The following CATSPERB variants were observed in gnomAD, a reference collection of about 807,000 sequenced individuals.
CATSPERB encodes cation channel sperm-associated auxiliary subunit beta.
A neutral mutation model predicts 128.3 loss-of-function variants in CATSPERB; 93 were observed. The observed-to-expected ratio is 0.72, with a 90% CI of 0.61 to 0.86. The LOEUF (loss-of-function observed/expected upper bound fraction) is 0.86, where lower values mean the gene tolerates loss of function less well. CATSPERB is among the 40% of genes least tolerant of loss of function. The pLI is 0.00. For missense variants in CATSPERB, 1,153 were observed against 1,329.5 expected (o/e 0.87, Z 2.06); for synonymous variants, 381 against 448.8 (o/e 0.85, Z 1.91).
chr14:91,621,433 T>C (rs1894039789), intron 19 of CATSPERB, among the ~76,000 whole-genome samples, 175 bp downstream of exon 19: 1 of 152,106 alleles, frequency 6.6e-6, no homozygotes, highest in African/African-American at 2.4e-5. Flanking sequence ...AATAGTTTAA[T>C]ATAGAGCCCA....
intron 24 of CATSPERB, 108 bp from the exon 25 acceptor site, chr14:91,588,186 T>C: frequency 1.5e-6 from 1 of 673,022 alleles, no homozygotes. Context: ...TTACTATTAC[T>C]ATTTCATTTG....
chr14:91,647,170 T>G (rs1266008397), intron 15 of CATSPERB, among the ~76,000 whole-genome samples: 2 of 152,176 alleles, frequency 1.3e-5, no homozygotes, highest in African/African-American at 2.4e-5. Flanking sequence ...CTCAGACAGG[T>G]TTTTTTCTCT....
In CATSPERB at chr14:91,629,681, T is replaced by A. The variant is rs1241663997; in HGVS notation, c.1743-4674A>T. Among the ~76,000 whole-genome samples the A allele has an allele frequency of 5.3e-5, 8 of 152,292 alleles. 1 individual carries two copies. Among genetic ancestry groups the A allele is most frequent in the Admixed American group, 4.6e-4 (7 of 15,296 alleles). On this transcript the variant is annotated intron_variant, in intron 17 of 26. Transcript: ENST00000256343. ...TTTTGCTGTAAAACTGTAATTAATT[T>A]AAAAAGTTTATTAATTAATTTTAAA...
intron 13 of CATSPERB, among the ~76,000 whole-genome samples, chr14:91,670,691 GA>G (rs1895073694): frequency 6.7e-6 from 1 of 149,522 alleles, no homozygotes; most frequent in African/African-American, 2.5e-5. Flanking sequence ...AAAAAAAAAA[GA>G]GATATGAAAC....
intron 17 of CATSPERB, among the ~76,000 whole-genome samples, chr14:91,632,995 G>C (rs549357337): frequency 6.6e-6 from 1 of 152,232 alleles, no homozygotes; most frequent in East Asian, 1.9e-4. Flanking sequence ...AACAGACCTT[G>C]TTAAACTAAC....
chr14:91,702,260 A>G (rs1895662901), intron 7 of CATSPERB, among the ~76,000 whole-genome samples: 1 of 151,996 alleles, frequency 6.6e-6, no homozygotes, highest in Non-Finnish European at 1.5e-5. Context: ...ACAGAACAAC[A>G]TAAGAAAAGG....
At chr14:91,625,845 G>A (rs1000213758) in intron 17 of CATSPERB, among the ~76,000 whole-genome samples, 10 of 152,148 alleles carry the variant, frequency 6.6e-5, no homozygotes, top group African/African-American at 2.2e-4. Context: ...TTAACTCTAG[G>A]CCGGGTGCAG....
Position 91,669,805 on chromosome 14 carries a change from T to A in CATSPERB, c.1287+9A>T, listed in dbSNP as rs1329030749. The A allele has an allele frequency of 6.2e-7, 1 of 1,602,566 alleles. No individual in the cohort carries two copies. The highest frequency in any genetic ancestry group is 1.7e-5 in the Admixed American group (1 of 57,426). On this transcript the variant is annotated intron_variant, in intron 14 of 26. Coordinates refer to ENST00000256343, the MANE Select transcript of CATSPERB (RefSeq NM_024764.4). ...CTCTAACACAGACTGAAGTTCCATG[T>A]GTACGCACCTGATTGCCATAAGCAT...
chr14:91,587,139 A>G, intron 26 of CATSPERB, 63 bp downstream of exon 26: 2 of 1,335,368 alleles, frequency 1.5e-6, no homozygotes, highest in South Asian at 2.7e-5. Flanking sequence ...TGTCTCTTGA[A>G]TTGGTTTTGT....
intron 10 of CATSPERB, among the ~76,000 whole-genome samples, chr14:91,690,165 G>A (rs1460900493): frequency 6.6e-6 from 1 of 151,950 alleles, no homozygotes; most frequent in African/African-American, 2.4e-5. Context: ...GCTAATTTTT[G>A]TATTTTCTGT....
rs148538525 is a variant in CATSPERB, at chr14:91,719,612, C to G, written c.310-134G>C. 1.8e-3 allele frequency: 1,095 copies of G among 601,002 alleles called. 8 individuals are homozygous for G. The highest frequency in any genetic ancestry group is 0.018 in the African/African-American group (933 of 52,910). 37.2% of individuals were successfully genotyped at this position (601,002 alleles called of 1,614,324 possible). The stretch of plus-strand genomic sequence containing the variant: ...ATACCTTTTACCTAGAAATTTCACT[C>G]TTAGGAATTTTTCCTACATTATGCT... On this transcript the variant is annotated intron_variant, in intron 4 of 26. Coordinates refer to ENST00000256343, the MANE Select transcript of CATSPERB (RefSeq NM_024764.4).
chr14:91,728,447 A>T (rs1896156170), intron 2 of CATSPERB, among the ~76,000 whole-genome samples: 1 of 152,156 alleles, frequency 6.6e-6, no homozygotes, highest in South Asian at 2.1e-4. Flanking sequence ...TCTCATTGCA[A>T]CTAATTGATT....
At chr14:91,731,787 C>T (rs1482793678) in intron 1 of CATSPERB, 143 bp downstream of exon 1, 1 of 152,112 alleles carries the variant, frequency 6.6e-6, no homozygotes, top group Non-Finnish European at 1.5e-5. Flanking sequence ...ACTAAATAAA[C>T]ATTGGGAATT....
chr14:91,722,207 A>G (rs1482708888), intron 4 of CATSPERB, among the ~76,000 whole-genome samples: 1 of 152,256 alleles, frequency 6.6e-6, no homozygotes, highest in Admixed American at 6.5e-5. Flanking sequence ...AAGAAAAATG[A>G]AAATATATTT....
intron 11 of CATSPERB, among the ~76,000 whole-genome samples, chr14:91,678,835 T>C (rs1184858585): frequency 6.6e-6 from 1 of 152,192 alleles, no homozygotes; most frequent in African/African-American, 2.4e-5. Context: ...AAGACTAATG[T>C]AATATTGGTG....
At chr14:91,663,504 G>C (rs1212596942) in intron 14 of CATSPERB, among the ~76,000 whole-genome samples, 2 of 151,974 alleles carry the variant, frequency 1.3e-5, no homozygotes, top group African/African-American at 4.8e-5. Context: ...AATTAGCTGG[G>C]TGTAGTGGAG....
intron 15 of CATSPERB, among the ~76,000 whole-genome samples, chr14:91,658,640 AAT>A (rs1446551615): frequency 3.4e-5 from 5 of 148,094 alleles, no homozygotes; most frequent in Admixed American, 7.0e-5. Context: ...CCTGTATCAA[AAT>A]ATCTCATGTA....
At chr14:91,670,564 C>T (rs1004180720) in intron 13 of CATSPERB, among the ~76,000 whole-genome samples, 1 of 151,910 alleles carries the variant, frequency 6.6e-6, no homozygotes, top group Non-Finnish European at 1.5e-5. Context: ...AACCTGTAGT[C>T]CCAGCTACTA....
chr14:91,583,460 T>C (rs1057105540), intron 26 of CATSPERB, among the ~76,000 whole-genome samples: 9 of 152,200 alleles, frequency 5.9e-5, no homozygotes, highest in Non-Finnish European at 1.2e-4. Flanking sequence ...CCATTTATTA[T>C]ATTTCTAAGA....
Sources: gnomAD v4.1 joint callset for allele counts (sites outside exome capture counted in the v4.1 genomes callset) on GRCh38, gnomAD v4.1.1 for gene constraint, MANE v1.5 for transcripts, NCBI Gene and HGNC (gene_info 2026-07-23, HGNC 2026-07-21) for gene names.